Variants in UGT1A8 observed in about 807,000 individuals in gnomAD.
UGT1A8 encodes UDP glucuronosyltransferase family 1 member A8.
In UGT1A8, 39 loss-of-function variants were observed where a neutral mutation model predicts 45.3. The observed-to-expected ratio is 0.86, with a 90% CI of 0.67 to 1.12. The LOEUF is 1.12. Ranked by LOEUF, UGT1A8 falls within the 50% of genes most tolerant of loss-of-function variation. The pLI, the probability that UGT1A8 is intolerant of heterozygous loss-of-function variation, is 0.00. For missense variants in UGT1A8, 719 were observed against 664.9 expected (o/e 1.08, Z -0.90); for synonymous variants, 275 against 249.2 (o/e 1.10, Z -0.97).
chr2:233,639,620 G>T (rs1021587582), intron 1 of UGT1A8, among the ~76,000 whole-genome samples: 1 of 152,192 alleles, frequency 6.6e-6, no homozygotes, highest in Non-Finnish European at 1.5e-5. Context: ...GTATGTGCAG[G>T]TGTGTTTGCG....
chr2:233,721,754 C>A, intron 1 of UGT1A8: 1 of 457,794 alleles, frequency 2.2e-6, no homozygotes, highest in South Asian at 1.6e-5. Context: ...GAATCTACAT[C>A]TAAATTGTTA....
At chr2:233,722,458 CTG>C (rs1559367331) in intron 1 of UGT1A8, among the ~76,000 whole-genome samples, 1 of 152,186 alleles carries the variant, frequency 6.6e-6, no homozygotes, top group South Asian at 2.1e-4. Flanking sequence ...AAAGAAATAA[CTG>C]TGGAATTTGT....
intron 1 of UGT1A8, among the ~76,000 whole-genome samples, chr2:233,680,966 G>T (rs1048785834): frequency 9.2e-5 from 14 of 151,944 alleles, no homozygotes; most frequent in Admixed American, 1.3e-4. Context: ...TTTCTGGAAG[G>T]GTCCATGGAG....
intron 1 of UGT1A8, among the ~76,000 whole-genome samples, chr2:233,670,673 C>G (rs1051227116): frequency 1.3e-5 from 2 of 152,134 alleles, no homozygotes; most frequent in Non-Finnish European, 2.9e-5. Flanking sequence ...CTCACAGATT[C>G]ATATCTTGAA....
At chr2:233,672,187 G>T (rs776353197) in intron 1 of UGT1A8, 20 of 1,614,094 alleles carry the variant, frequency 1.2e-5, no homozygotes, top group Non-Finnish European at 1.6e-5. Context: ...TACCCTGGAG[G>T]ATCTGGACCG....
intron 1 of UGT1A8, among the ~76,000 whole-genome samples, chr2:233,667,491 A>G (rs1403769670): frequency 6.6e-6 from 1 of 152,246 alleles, no homozygotes; most frequent in Non-Finnish European, 1.5e-5. Context: ...TCATGTCTAA[A>G]ACACCAAAAG....
At chr2:233,729,013 C>T (rs1190048509) in intron 1 of UGT1A8, 1 of 1,586,394 alleles carries the variant, frequency 6.3e-7, no homozygotes, top group Non-Finnish European at 8.6e-7. Context: ...CTCTGTCTTC[C>T]AATTACACGT....
intron 1 of UGT1A8, among the ~76,000 whole-genome samples, chr2:233,735,822 A>G (rs1482941738): frequency 6.6e-6 from 1 of 152,164 alleles, no homozygotes. Flanking sequence ...TTCTTTAAGA[A>G]TGTTGAATAT....
intron 1 of UGT1A8, among the ~76,000 whole-genome samples, chr2:233,645,639 A>G (rs916523778): frequency 8.5e-5 from 13 of 152,224 alleles, no homozygotes; most frequent in African/African-American, 2.4e-4. Context: ...GTCAAATCTT[A>G]AAGCTCCAAA....
chr2:233,620,476 A>C (rs1551285), intron 1 of UGT1A8, among the ~76,000 whole-genome samples: 131,557 of 152,072 alleles, frequency 0.87, 57,130 homozygotes, highest in African/African-American at 0.95. Context: ...GATATAAAAA[A>C]GTATATATGA....
At chr2:233,719,425 C>G in intron 1 of UGT1A8, 1 of 1,613,998 alleles carries the variant, frequency 6.2e-7, no homozygotes, top group Non-Finnish European at 8.5e-7. Context: ...ACGACCAATT[C>G]AGACCACATG....
At chr2:233,685,194 G>C (rs527393149) in intron 1 of UGT1A8, among the ~76,000 whole-genome samples, 2 of 152,072 alleles carry the variant, frequency 1.3e-5, no homozygotes, top group African/African-American at 4.8e-5. Context: ...ACATTAAAAC[G>C]GTTTTGTTTT....
At chr2:233,711,177 G>A (rs141849516) in intron 1 of UGT1A8, among the ~76,000 whole-genome samples, 37 of 152,320 alleles carry the variant, frequency 2.4e-4, no homozygotes, top group African/African-American at 3.4e-4. Flanking sequence ...CCAGGAATAT[G>A]AGCTACTCCC....
At chr2:233,696,856 TG>T (rs2075362224) in intron 1 of UGT1A8, among the ~76,000 whole-genome samples, 2 of 152,228 alleles carry the variant, frequency 1.3e-5, no homozygotes, top group Admixed American at 1.3e-4. Flanking sequence ...TTTTGTTGAA[TG>T]TTTTTTCAGC....
chr2:233,731,467 G>C (rs1024241459), intron 1 of UGT1A8, among the ~76,000 whole-genome samples: 1 of 152,074 alleles, frequency 6.6e-6, no homozygotes, highest in Admixed American at 6.5e-5. Context: ...CCTGGCGTGT[G>C]ATGTTCCCTG....
Position 233,729,464 on chromosome 2 carries a change from G to C in UGT1A8, c.856-37570G>C, listed in dbSNP as rs146268573. ...CATTTTCTGAAGAAATTTTTCAGAA[G>C]TATGGCAATGTTGAACAATATGTCT... On this transcript the variant is annotated intron_variant, in intron 1 of 4. Coordinates refer to ENST00000373450, the MANE Select transcript of UGT1A8 (RefSeq NM_019076.5). 178 of 1,614,158 alleles carry C rather than the reference G, an allele frequency of 1.1e-4. 1 individual carries two copies. In the African/African-American group the frequency reaches 2.0e-3, roughly 18 times the overall value.
intron 1 of UGT1A8, among the ~76,000 whole-genome samples, chr2:233,658,263 C>T (rs1387419425): frequency 2.6e-5 from 4 of 152,168 alleles, no homozygotes; most frequent in African/African-American, 4.8e-5. Flanking sequence ...AAGAGACCCA[C>T]GGACCTTGGC....
chr2:233,733,971 G>A (rs927832512), intron 1 of UGT1A8, among the ~76,000 whole-genome samples: 7 of 152,028 alleles, frequency 4.6e-5, no homozygotes, highest in African/African-American at 7.3e-5. Flanking sequence ...TAGGGGGAGC[G>A]GGGAGGGATA....
rs556291305 is a variant in UGT1A8, at chr2:233,766,974, G to A, written c.856-60G>A. 4.3e-6 allele frequency: 7 copies of A among 1,611,912 alleles called. No homozygotes were observed. In the East Asian group the frequency reaches 1.6e-4, roughly 36 times the overall value. On this transcript the variant is annotated intron_variant, in intron 1 of 4. Transcript: ENST00000373450. ...GAAGATATCTAATTCATAACTTACT[G>A]TATGTAGTCATCAAAGAATATGAGA... is the stretch of plus-strand genomic sequence containing the variant.
Sources: gnomAD v4.1 joint callset for allele counts (sites outside exome capture counted in the v4.1 genomes callset) on GRCh38, gnomAD v4.1.1 for gene constraint, MANE v1.5 for transcripts, NCBI Gene and HGNC (gene_info 2026-07-23, HGNC 2026-07-21) for gene names.